The following ABR variants were observed in gnomAD, a reference collection of about 807,000 sequenced individuals.
The protein encoded by ABR is ABR activator of RhoGEF and GTPase, also known as active breakpoint cluster region-related protein.
In ABR, 35 loss-of-function variants were observed where a neutral mutation model predicts 107.2. The ratio of observed to expected loss-of-function variants is 0.33; its 90% CI spans 0.25 to 0.43. The LOEUF (loss-of-function observed/expected upper bound fraction) is 0.43, where lower values mean the gene tolerates loss of function less well. Among genes scored for constraint, ABR ranks in the 20% least tolerant of loss-of-function variants. The pLI is 1.00. For synonymous variants in ABR, 498 were observed against 462.0 expected (o/e 1.08, Z -1.00); for missense variants, 815 against 1,115.2 (o/e 0.73, Z 3.83).
At chr17:1,086,935 T>C (rs1320152119) in intron 4 of ABR, among the ~76,000 whole-genome samples, 1 of 145,690 alleles carries the variant, frequency 6.9e-6, no homozygotes, top group Non-Finnish European at 1.5e-5. Context: ...AGCAAGACCT[T>C]TTTTTTTTTT....
intron 20 of ABR, 87 bp from the exon 21 acceptor site, chr17:1,009,871 GGA>G (rs1420939295): frequency 8.2e-7 from 1 of 1,212,294 alleles, no homozygotes; most frequent in East Asian, 2.4e-5. Flanking sequence ...GGCCCCTGCG[GGA>G]GAGAGCCCAG....
intron 4 of ABR, among the ~76,000 whole-genome samples, chr17:1,088,452 TTAATAATAATAA>T (rs60961802): frequency 0.23 from 32,337 of 143,430 alleles, 3,828 homozygotes; most frequent in Admixed American, 0.29. Context: ...TCTTCCCAAT[TTAATAATAATAA>T]TAATAATAAT....
chr17:1,079,482 C>T, intron 5 of ABR, 92 bp from the exon 6 acceptor site: 1 of 1,229,904 alleles, frequency 8.1e-7, no homozygotes, highest in Non-Finnish European at 1.2e-6. Flanking sequence ...AGTTCTGAAA[C>T]TCAGGGTGTA....
intron 9 of ABR, among the ~76,000 whole-genome samples, chr17:1,067,780 C>T (rs1438869933): frequency 6.6e-6 from 1 of 152,146 alleles, no homozygotes; most frequent in South Asian, 2.1e-4. Flanking sequence ...TGGCAAAGGA[C>T]AGCAGGCAGA....
Position 1,094,367 on chromosome 17 carries a change from G to A in ABR, c.346-2517C>T, listed in dbSNP as rs563836073. On this transcript the variant is annotated intron_variant, in intron 3 of 22. Transcript: ENST00000302538. ...GCGTACACGATCATGGTCCCAGACT[G>A]CAATTTTTTTTTTTTTTTTTTGAGA... 1.5e-4 allele frequency among the ~76,000 whole-genome samples: 22 copies of A among 150,544 alleles called. No individual in the cohort carries two copies. In the South Asian group the frequency reaches 2.3e-3, roughly 16 times the overall value.
intron 18 of ABR, chr17:1,012,365 C>T (rs1157308294): frequency 4.6e-6 from 3 of 650,414 alleles, no homozygotes; most frequent in Non-Finnish European, 8.5e-6. Flanking sequence ...CGTGCCCTTT[C>T]CCGAGGGGCC....
intron 16 of ABR, among the ~76,000 whole-genome samples, chr17:1,036,189 C>T (rs760212244): frequency 6.6e-6 from 1 of 152,164 alleles, no homozygotes; most frequent in Admixed American, 6.5e-5. Flanking sequence ...TATCCGCTAG[C>T]GCAAATGACT....
intron 2 of ABR, among the ~76,000 whole-genome samples, chr17:1,116,054 C>T (rs2038972487): frequency 6.6e-6 from 1 of 152,064 alleles, no homozygotes; most frequent in Admixed American, 6.5e-5. Context: ...TGATGAAACC[C>T]CATCTCTACT....
intron 6 of ABR, 87 bp downstream of exon 6, chr17:1,079,243 G>C: frequency 6.5e-7 from 1 of 1,541,786 alleles, no homozygotes; most frequent in East Asian, 2.4e-5. Flanking sequence ...GCACACACAA[G>C]GGGAAGGGCG....
chr17:1,091,316 CGG>C (rs2037010624), intron 4 of ABR, among the ~76,000 whole-genome samples: 1 of 151,848 alleles, frequency 6.6e-6, no homozygotes, highest in South Asian at 2.1e-4. Flanking sequence ...CCGGGAAAGA[CGG>C]AGCACCCTCC....
In ABR at chr17:1,073,759, C is replaced by A. The variant is rs940274742; in HGVS notation, c.701-82G>T. The A allele has an allele frequency of 4.7e-6, 6 of 1,283,642 alleles. No individual in the cohort carries two copies. The South Asian group carries it at 5.7e-5, about 12-fold the overall frequency. The allele number at this position is 1,283,642 out of a possible 1,614,324, so 79.5% of individuals were successfully genotyped here. ...ACCCCAGAGACCAGCTTCGTCCCCC[C>A]ACCCGCATGCTTCCCACGTGAACAC... On this transcript the variant is annotated intron_variant, in intron 6 of 22. Coordinates refer to ENST00000302538, the MANE Select transcript of ABR (RefSeq NM_021962.5).
At chr17:1,026,432 C>T (rs1042220167) in intron 16 of ABR, among the ~76,000 whole-genome samples, 2 of 152,180 alleles carry the variant, frequency 1.3e-5, no homozygotes, top group Non-Finnish European at 2.9e-5. Context: ...GTACCAGCCC[C>T]GGCTGGGGTC....
intron 4 of ABR, among the ~76,000 whole-genome samples, chr17:1,086,383 T>A (rs980034709): frequency 6.6e-6 from 1 of 152,100 alleles, no homozygotes; most frequent in African/African-American, 2.4e-5. Context: ...GATTTACACA[T>A]AGCATTGCTG....
At chr17:1,044,368 GGCCGGGT>G (rs1388563139) in intron 16 of ABR, among the ~76,000 whole-genome samples, 2 of 152,308 alleles carry the variant, frequency 1.3e-5, no homozygotes, top group East Asian at 3.9e-4. Context: ...ATTTATTCCA[GGCCGGGT>G]GCCGTGGCTC....
At chr17:1,151,480 G>A (rs2040790145) in intron 1 of ABR, among the ~76,000 whole-genome samples, 1 of 151,390 alleles carries the variant, frequency 6.6e-6, no homozygotes, top group African/African-American at 2.4e-5. Flanking sequence ...CACCCTCAAC[G>A]CCCCCACCTC....
rs1370021959 is a variant in ABR at position 1,057,077 on chromosome 17, T to C, written c.1407A>G (p.Ser469=). Residue 469 remains serine (S), a synonymous_variant, in exon 13 of 23, where the codon TCA becomes TCG. Coordinates refer to ENST00000302538, the MANE Select transcript of ABR (RefSeq NM_021962.5). Reference sequence around the variant, plus strand: ...ATCCTGTGAGCACCTGGAGCTCCACTGAGCTCAGGACAAAGGCCTGGAGAT... The same window carrying C: ...ATCCTGTGAGCACCTGGAGCTCCACCGAGCTCAGGACAAAGGCCTGGAGAT... ...KKDLQAFVLS[S]VELQVLTGSC... is the part of the protein sequence containing the mutation. 5.6e-6 allele frequency: 9 copies of C among 1,612,210 alleles called. No individual in the cohort carries two copies. The Admixed American group carries it at 1.0e-4, about 18-fold the overall frequency.
chr17:1,188,316 C>T (rs911161165), upstream of ABR, among the ~76,000 whole-genome samples: 1 of 152,028 alleles, frequency 6.6e-6, no homozygotes, highest in South Asian at 2.1e-4. Context: ...TTTGGGAGGC[C>T]GAGGCGGGCA....
chr17:1,096,772 G>T (rs1397494077), intron 3 of ABR, among the ~76,000 whole-genome samples: 1 of 149,598 alleles, frequency 6.7e-6, no homozygotes, highest in African/African-American at 2.5e-5. Context: ...ACCTGCCCCG[G>T]GTGGAGAGAG....
In ABR at chr17:1,051,967, G is replaced by A. The variant is rs148291235; in HGVS notation, c.1562-1333C>T. ...CACATGCCTGTAGTCCCAGCTACTC[G>A]GGAGGCTGAGGCAGGACAATCGCTT... is the stretch of plus-strand genomic sequence containing the variant. On this transcript the variant is annotated intron_variant, in intron 14 of 22. Transcript: ENST00000302538. The surrounding 1 kb of genome is among the most constrained non-coding windows in gnomAD (Gnocchi z 4.3). 9.7e-3 allele frequency among the ~76,000 whole-genome samples: 1,471 copies of A among 152,182 alleles called. 12 individuals carry two copies. Among genetic ancestry groups the A allele is most frequent in the East Asian group, 0.017 (90 of 5,164 alleles).
Sources: gnomAD v4.1 joint callset for allele counts (sites outside exome capture counted in the v4.1 genomes callset) on GRCh38, gnomAD v4.1.1 for gene constraint, Gnocchi (gnomAD v3.1) non-coding constraint, MANE v1.5 for transcripts, NCBI Gene and HGNC (gene_info 2026-07-23, HGNC 2026-07-21) for gene names.